PTPRO: variants seen among roughly 807,000 people sequenced by gnomAD.
PTPRO encodes protein tyrosine phosphatase receptor type O, also known as receptor-type tyrosine-protein phosphatase O.
A neutral mutation model predicts 145.2 loss-of-function variants in PTPRO; 62 were observed. The observed-to-expected ratio is 0.43, with a 90% confidence interval of 0.35 to 0.53. PTPRO has a LOEUF of 0.53. Among genes scored for constraint, PTPRO ranks in the 20% least tolerant of loss-of-function variants. PTPRO has a pLI of 0.01. For synonymous variants in PTPRO, 565 were observed against 514.7 expected, an observed-to-expected ratio of 1.10 and a Z score of -1.32; for missense variants, 1,345 against 1,482.7, an observed-to-expected ratio of 0.91 and a Z score of 1.53.
chr12:15,423,914 A>G (rs1000053787), intron 1 of PTPRO, among the ~76,000 whole-genome samples: 18 of 152,154 alleles, frequency 1.2e-4, no homozygotes, highest in African/African-American at 4.3e-4. Flanking sequence ...CTGTCCTTTA[A>G]CTTTCATTGT....
At chr12:15,379,444 C>T (rs145909959) in intron 1 of PTPRO, among the ~76,000 whole-genome samples, 11 of 144,712 alleles carry the variant, frequency 7.6e-5, no homozygotes, top group East Asian at 2.1e-4. Context: ...AGCAGGAGAA[C>T]GGCTTGAACA....
chr12:15,484,304 C>CAGTTCGA, intron 2 of PTPRO, 57 bp downstream of exon 2: 1 of 1,596,158 alleles, frequency 6.3e-7, no homozygotes, highest in South Asian at 1.1e-5. Flanking sequence ...TGTTTCTTCC[C>CAGTTCGA]GTAGGGCTCG....
At chr12:15,576,603 G>A (rs977563457) in intron 19 of PTPRO, among the ~76,000 whole-genome samples, 3 of 152,168 alleles carry the variant, frequency 2.0e-5, no homozygotes, top group African/African-American at 7.2e-5. Flanking sequence ...GGCATAAATG[G>A]CAGAGGAGGA....
intron 1 of PTPRO, among the ~76,000 whole-genome samples, chr12:15,477,746 C>G (rs1375829080): frequency 6.6e-6 from 1 of 152,126 alleles, no homozygotes; most frequent in Non-Finnish European, 1.5e-5. Context: ...ACTAGACAGT[C>G]AAGTGCTCCC....
At chr12:15,490,229 C>T (rs1300686192) in intron 2 of PTPRO, among the ~76,000 whole-genome samples, 1 of 152,096 alleles carries the variant, frequency 6.6e-6, no homozygotes, top group Admixed American at 6.6e-5. Context: ...ATATGTATAG[C>T]CTTAGGCAGA....
chr12:15,572,480 A>G (rs778517418), intron 19 of PTPRO, among the ~76,000 whole-genome samples: 5 of 152,224 alleles, frequency 3.3e-5, no homozygotes, highest in Non-Finnish European at 5.9e-5. Context: ...CATCATCTTC[A>G]TATAGCACTA....
At position 15,484,368 on chromosome 12, in the gene PTPRO, C is replaced by T. The variant is rs550766312; in HGVS notation, c.349+121C>T. On this transcript the variant is annotated intron_variant, in intron 2 of 26. Transcript: ENST00000281171. ...AATCACTTGCCTTAATGCCAAGTGA[C>T]GTAGATTCAAAGTTATGAGCTATAT... 318 of 1,078,468 alleles carry T rather than the reference C, an allele frequency of 2.9e-4. 2 individuals carry two copies. Among genetic ancestry groups the T allele is most frequent in the Non-Finnish European group, 1.2e-4 (88 of 720,156 alleles). 66.8% of individuals were successfully genotyped at this position (1,078,468 alleles called of 1,614,324 possible).
intron 7 of PTPRO, among the ~76,000 whole-genome samples, chr12:15,514,844 C>T (rs1313812014): frequency 6.6e-6 from 1 of 151,934 alleles, no homozygotes; most frequent in African/African-American, 2.4e-5. Context: ...GCTCACTGCA[C>T]CTCTGCCTCC....
intron 1 of PTPRO, among the ~76,000 whole-genome samples, chr12:15,406,216 T>C (rs1939643316): frequency 6.6e-6 from 1 of 152,196 alleles, no homozygotes; most frequent in African/African-American, 2.4e-5. Flanking sequence ...CAATTACACA[T>C]GCAATCTATC....
chr12:15,331,101 A>G (rs1460674601), intron 1 of PTPRO, among the ~76,000 whole-genome samples: 1 of 152,108 alleles, frequency 6.6e-6, no homozygotes, highest in African/African-American at 2.4e-5. Context: ...CTTGAGAGGC[A>G]CCGATTGTTA....
intron 15 of PTPRO, among the ~76,000 whole-genome samples, chr12:15,553,563 A>C (rs1318417497): frequency 5.9e-5 from 9 of 152,276 alleles, no homozygotes; most frequent in African/African-American, 2.2e-4. Flanking sequence ...ACTAAAGCGG[A>C]GGAAGACAAG....
intron 1 of PTPRO, among the ~76,000 whole-genome samples, chr12:15,384,735 T>C (rs536676343): frequency 6.6e-6 from 1 of 152,146 alleles, no homozygotes; most frequent in African/African-American, 2.4e-5. Context: ...AGAAAACAAA[T>C]CCATAGAAAT....
At chr12:15,452,128 C>T in intron 1 of PTPRO, among the ~76,000 whole-genome samples, 1 of 151,968 alleles carries the variant, frequency 6.6e-6, no homozygotes, top group East Asian at 1.9e-4. Flanking sequence ...GAGAGAAGAT[C>T]CAAATAAGCT....
intron 1 of PTPRO, among the ~76,000 whole-genome samples, chr12:15,345,044 T>C (rs1244010160): frequency 6.6e-6 from 1 of 152,196 alleles, no homozygotes; most frequent in African/African-American, 2.4e-5. Context: ...CTGTTTCCCT[T>C]ACTACTCCCT....
rs1330320038 is a variant in PTPRO, at chr12:15,502,194, G to T, written c.1105+131G>T. The T allele has an allele frequency of 4.3e-6, 4 of 936,590 alleles. No individual in the cohort carries two copies. In the Admixed American group the frequency reaches 9.8e-5, roughly 23 times the overall value. The allele number at this position is 936,590 out of a possible 1,614,324, so 58.0% of individuals were successfully genotyped here. A position where few individuals can be genotyped will look rare whatever the true frequency, so the allele number is the denominator to read the frequency against. ...TCAAAGAATAATGGTAATGAAAGGG[G>T]AGAATTTAATTGAGTATCCAATGCA... On this transcript the variant is annotated intron_variant, in intron 5 of 26. Transcript: ENST00000281171.
intron 1 of PTPRO, among the ~76,000 whole-genome samples, chr12:15,364,973 C>A (rs1007598525): frequency 6.6e-5 from 10 of 152,116 alleles, no homozygotes; most frequent in African/African-American, 2.4e-4. Flanking sequence ...ATTGCTAAAT[C>A]TCTTGCTTTC....
intron 1 of PTPRO, among the ~76,000 whole-genome samples, chr12:15,363,311 A>C (rs1768499837): frequency 6.6e-6 from 1 of 152,200 alleles, no homozygotes; most frequent in Non-Finnish European, 1.5e-5. Flanking sequence ...CCTCTCCTCC[A>C]CATGACGTTT....
At chr12:15,388,093 G>C (rs1258232792) in intron 1 of PTPRO, among the ~76,000 whole-genome samples, 1 of 151,814 alleles carries the variant, frequency 6.6e-6, no homozygotes, top group Non-Finnish European at 1.5e-5. Flanking sequence ...AGGCCTCAGG[G>C]AATACTAAAA....
intron 1 of PTPRO, among the ~76,000 whole-genome samples, chr12:15,357,911 A>T (rs1316636030): frequency 4.0e-5 from 6 of 150,590 alleles, no homozygotes; most frequent in Non-Finnish European, 8.9e-5. Flanking sequence ...ACTATAAATC[A>T]TGCTGCTATA....
Sources: gnomAD v4.1 joint callset for allele counts (sites outside exome capture counted in the v4.1 genomes callset) on GRCh38, gnomAD v4.1.1 for gene constraint, MANE v1.5 for transcripts, NCBI Gene and HGNC (gene_info 2026-07-23, HGNC 2026-07-21) for gene names.